UTRN: variants seen among roughly 807,000 people sequenced by gnomAD.
UTRN encodes the protein utrophin, also known as dystrophin-related protein 1.
In UTRN, 283 loss-of-function variants were observed where a neutral mutation model predicts 463.9. That is an observed-to-expected ratio of 0.61 (90% confidence interval 0.55 to 0.67). The LOEUF is 0.67. Among genes scored for constraint, UTRN ranks in the 30% least tolerant of loss-of-function variants. The pLI, the probability that UTRN is intolerant of heterozygous loss-of-function variation, is 0.00. For missense variants in UTRN, 3,922 were observed against 4,084.3 expected, an observed-to-expected ratio of 0.96 and a Z score of 1.08; for synonymous variants, 1,442 against 1,431.5, an observed-to-expected ratio of 1.01 and a Z score of -0.17.
chr6:144,727,303 C>G (rs963422124), intron 53 of UTRN, among the ~76,000 whole-genome samples: 3 of 152,098 alleles, frequency 2.0e-5, no homozygotes, highest in African/African-American at 7.2e-5. Flanking sequence ...TTCTAAATGC[C>G]ATTGTGTGAA....
At chr6:144,445,572 T>C (rs568345389) in intron 14 of UTRN, among the ~76,000 whole-genome samples, 5,513 of 144,410 alleles carry the variant, frequency 0.038, 369 homozygotes, top group African/African-American at 0.13. Context: ...CCCCCCGCCC[T>C]CAATCTGTGG....
chr6:144,355,754 T>G (rs886775764), intron 2 of UTRN, among the ~76,000 whole-genome samples: 2 of 152,182 alleles, frequency 1.3e-5, no homozygotes, highest in African/African-American at 4.8e-5. Context: ...TGTTAACATC[T>G]TGTTACCCAG....
At chr6:144,298,998 T>C (rs1479491506) in intron 2 of UTRN, among the ~76,000 whole-genome samples, 1 of 152,224 alleles carries the variant, frequency 6.6e-6, no homozygotes, top group Non-Finnish European at 1.5e-5. Context: ...AGATTTTTGG[T>C]GCAGGAAATA....
intron 51 of UTRN, among the ~76,000 whole-genome samples, chr6:144,612,121 G>A (rs1805591345): frequency 6.6e-6 from 1 of 152,072 alleles, no homozygotes; most frequent in African/African-American, 2.4e-5. Flanking sequence ...CACACAATGG[G>A]TAAAGGACAG....
chr6:144,401,004 A>G (rs192846378), intron 2 of UTRN, among the ~76,000 whole-genome samples: 9 of 152,296 alleles, frequency 5.9e-5, no homozygotes, highest in South Asian at 4.1e-4. Flanking sequence ...AGAAACCTAC[A>G]TAGTATTAGA....
At chr6:144,395,331 A>C (rs1475933785) in intron 2 of UTRN, among the ~76,000 whole-genome samples, 1 of 151,858 alleles carries the variant, frequency 6.6e-6, no homozygotes, top group African/African-American at 2.4e-5. Flanking sequence ...TACAATCTCT[A>C]CCACCATAAA....
intron 53 of UTRN, among the ~76,000 whole-genome samples, chr6:144,711,946 C>A (rs1034005766): frequency 6.6e-6 from 1 of 151,908 alleles, no homozygotes; most frequent in African/African-American, 2.4e-5. Context: ...AACAACAACA[C>A]CCTACTGTTA....
At chr6:144,575,542 A>G (rs758979948) in intron 50 of UTRN, among the ~76,000 whole-genome samples, 9 of 152,214 alleles carry the variant, frequency 5.9e-5, no homozygotes, top group Non-Finnish European at 1.2e-4. Flanking sequence ...CCTGTGGTAT[A>G]TACAAAAAGA....
At chr6:144,687,621 A>G (rs1782898927) in intron 52 of UTRN, among the ~76,000 whole-genome samples, 1 of 152,110 alleles carries the variant, frequency 6.6e-6, no homozygotes, top group African/African-American at 2.4e-5. Flanking sequence ...TTCTTGGCTG[A>G]CGGTTTTTTC....
intron 50 of UTRN, among the ~76,000 whole-genome samples, chr6:144,558,392 A>G (rs930038946): frequency 6.6e-6 from 1 of 152,208 alleles, no homozygotes; most frequent in African/African-American, 2.4e-5. Context: ...TGGTCTTTCT[A>G]ACATTTTACT....
At chr6:144,414,160 C>T (rs1198656994) in intron 3 of UTRN, among the ~76,000 whole-genome samples, 1 of 151,968 alleles carries the variant, frequency 6.6e-6, no homozygotes, top group African/African-American at 2.4e-5. Context: ...ACAAAACAGC[C>T]TCAGGCAGTT....
chr6:144,675,462 A>G (rs1372083286), intron 51 of UTRN, among the ~76,000 whole-genome samples: 2 of 152,184 alleles, frequency 1.3e-5, no homozygotes, highest in African/African-American at 2.4e-5. Context: ...TTGTCATGTG[A>G]ACAGACTCAG....
At chr6:144,814,900 C>T (rs1031323423) in intron 65 of UTRN, among the ~76,000 whole-genome samples, 1 of 152,120 alleles carries the variant, frequency 6.6e-6, no homozygotes, top group Non-Finnish European at 1.5e-5. Flanking sequence ...TAAGTTAAAT[C>T]AGAAATTTGA....
chr6:144,661,531 C>T (rs1779865322), intron 51 of UTRN, among the ~76,000 whole-genome samples: 1 of 152,134 alleles, frequency 6.6e-6, no homozygotes, highest in Non-Finnish European at 1.5e-5. Flanking sequence ...AGACGGTTCT[C>T]CCTCAGCTTG....
Position 144,797,800 on chromosome 6 carries a change from TTAATA to T in UTRN, c.9079-21_9079-17del. On this transcript the variant is annotated intron_variant, in intron 63 of 74. Transcript: ENST00000367545. ...TTTAAATGAAGGCATTTCTTCACTT[TTAATA>T]TATTTCTTTTTTCACCAGAATAACA... 6.2e-7 allele frequency: 1 copy of T among 1,609,012 alleles called. No individual in the cohort carries two copies. Among genetic ancestry groups the T allele is most frequent in the African/African-American group, 1.3e-5 (1 of 74,732 alleles).
At chr6:144,473,982 A>T in intron 24 of UTRN, 149 bp downstream of exon 24, 1 of 571,764 alleles carries the variant, frequency 1.7e-6, no homozygotes. Context: ...ATGACTTTAT[A>T]GCTAATAAAA....
chr6:144,366,126 G>A (rs556442619), intron 2 of UTRN, among the ~76,000 whole-genome samples: 20 of 152,302 alleles, frequency 1.3e-4, no homozygotes, highest in African/African-American at 3.6e-4. Flanking sequence ...AATAAACAGC[G>A]TAATCGTCAC....
chr6:144,849,080 A>T (rs1268675135), intron 74 of UTRN, among the ~76,000 whole-genome samples: 3 of 152,146 alleles, frequency 2.0e-5, no homozygotes, highest in Admixed American at 2.0e-4. Flanking sequence ...GATATTGATT[A>T]GAGCAAGTAG....
At chr6:144,777,862 C>G (rs1343120745) in intron 60 of UTRN, among the ~76,000 whole-genome samples, 1 of 151,898 alleles carries the variant, frequency 6.6e-6, no homozygotes, top group Non-Finnish European at 1.5e-5. Context: ...GTTCAAGGAA[C>G]ATTAAGTTAT....
Sources: gnomAD v4.1 joint callset for allele counts (sites outside exome capture counted in the v4.1 genomes callset) on GRCh38, gnomAD v4.1.1 for gene constraint, MANE v1.5 for transcripts, NCBI Gene and HGNC (gene_info 2026-07-23, HGNC 2026-07-21) for gene names.